FAM210A: variants seen among roughly 807,000 people sequenced by gnomAD.
FAM210A encodes the protein mitochondrial inner membrane scaffold 1, also known as family with sequence similarity 210 member A.
A neutral mutation model predicts 25.3 loss-of-function variants in FAM210A; 13 were observed. That is an observed-to-expected ratio of 0.51 (90% confidence interval 0.33 to 0.82). The LOEUF is 0.82. FAM210A is among the 40% of genes least tolerant of loss of function. The pLI is 0.02. For synonymous variants in FAM210A, 125 were observed against 118.7 expected (o/e 1.05, Z -0.35); for missense variants, 319 against 323.2 (o/e 0.99, Z 0.10).
intron 1 of FAM210A, among the ~76,000 whole-genome samples, chr18:13,700,477 A>T (rs766426813): frequency 1.3e-5 from 2 of 152,204 alleles, no homozygotes; most frequent in Non-Finnish European, 2.9e-5. Flanking sequence ...CCTGAATTCC[A>T]GCAAAACAGC....
chr18:13,702,496 G>A (rs925493073), intron 1 of FAM210A, among the ~76,000 whole-genome samples: 10 of 152,192 alleles, frequency 6.6e-5, no homozygotes, highest in African/African-American at 1.7e-4. Flanking sequence ...GGTCTCCATC[G>A]TGTTTTATTT....
intron 2 of FAM210A, among the ~76,000 whole-genome samples, chr18:13,679,384 T>A (rs1042119267): frequency 2.0e-5 from 3 of 152,268 alleles, no homozygotes; most frequent in African/African-American, 7.2e-5. Context: ...CTGTATTTAG[T>A]ATAATCAACT....
intron 2 of FAM210A, among the ~76,000 whole-genome samples, chr18:13,675,257 G>A (rs62084819): frequency 1.9e-3 from 212 of 113,598 alleles, no homozygotes; most frequent in African/African-American, 3.7e-3. Flanking sequence ...CCTGAGCCCC[G>A]ACTTCATTAT....
chr18:13,722,054 G>T (rs1478313319), intron 1 of FAM210A, among the ~76,000 whole-genome samples: 1 of 152,022 alleles, frequency 6.6e-6, no homozygotes, highest in East Asian at 1.9e-4. Context: ...CTGATTGAGG[G>T]ACCATGACTC....
At chr18:13,679,829 A>G (rs2043536086) in intron 2 of FAM210A, among the ~76,000 whole-genome samples, 1 of 152,240 alleles carries the variant, frequency 6.6e-6, no homozygotes, top group Admixed American at 6.5e-5. Flanking sequence ...AGCATCACCC[A>G]CAGCTGCTTC....
intron 2 of FAM210A, among the ~76,000 whole-genome samples, chr18:13,675,672 CCA>C (rs1224570946): frequency 1.8e-5 from 2 of 109,450 alleles, no homozygotes; most frequent in East Asian, 3.1e-4. Flanking sequence ...TTCTTTATTT[CCA>C]GTTTCCTGAT....
intron 3 of FAM210A, among the ~76,000 whole-genome samples, chr18:13,668,643 A>G (rs989508639): frequency 3.9e-5 from 6 of 152,174 alleles, no homozygotes; most frequent in African/African-American, 1.4e-4. Flanking sequence ...GTGAAACTTC[A>G]CAGAGTGTAC....
rs983349063 is a variant in FAM210A, at chr18:13,665,410, A to G, written c.*1070T>C. On this transcript the variant is annotated 3_prime_UTR_variant, in exon 4 of 4. Coordinates refer to ENST00000651643, the MANE Select transcript of FAM210A (RefSeq NM_152352.4). The stretch of plus-strand genomic sequence containing the variant: ...AAAAAAAAAAAAAAAAAAAAAAATC[A>G]AGTAGAATGCTCAAACAAGGATATT... 1.3e-5 allele frequency: 2 copies of G among 148,562 alleles called. No homozygotes were observed. The highest frequency in any genetic ancestry group is 5.0e-5 in the African/African-American group (2 of 40,324). The allele number at this position is 148,562 out of a possible 1,614,324, so 9.2% of individuals were successfully genotyped here.
At chr18:13,709,856 G>C (rs2043808221) in intron 1 of FAM210A, among the ~76,000 whole-genome samples, 1 of 152,074 alleles carries the variant, frequency 6.6e-6, no homozygotes, top group African/African-American at 2.4e-5. Context: ...TTTTTCTACT[G>C]CCATTCTCTT....
intron 1 of FAM210A, among the ~76,000 whole-genome samples, chr18:13,710,652 C>T (rs1294820562): frequency 8.5e-5 from 13 of 152,152 alleles, no homozygotes; most frequent in Admixed American, 8.5e-4. Context: ...ACTGACTCCA[C>T]CTGGACTTGT....
At chr18:13,715,528 C>T (rs961291911) in intron 1 of FAM210A, among the ~76,000 whole-genome samples, 1 of 152,134 alleles carries the variant, frequency 6.6e-6, no homozygotes, top group Non-Finnish European at 1.5e-5. Context: ...GTTTAGCATA[C>T]TCTACTAGAA....
At chr18:13,668,795 C>T (rs1482287124) in intron 3 of FAM210A, among the ~76,000 whole-genome samples, 1 of 152,126 alleles carries the variant, frequency 6.6e-6, no homozygotes, top group Non-Finnish European at 1.5e-5. Context: ...TATTTGTATA[C>T]CTAAACTATC....
intron 1 of FAM210A, among the ~76,000 whole-genome samples, chr18:13,689,586 G>A (rs1014801486): frequency 6.6e-6 from 1 of 152,138 alleles, no homozygotes; most frequent in Non-Finnish European, 1.5e-5. Flanking sequence ...CCCCGTGGCT[G>A]GGAACAAGGC....
rs570886800 is a variant in FAM210A at position 13,708,136 on chromosome 18, G to A, written c.-29+18193C>T. On this transcript the variant is annotated intron_variant, in intron 1 of 3. Transcript: ENST00000651643. Reference sequence around the variant, plus strand: ...CCATTGTTTCTGCATATTGCTTGTCGCCTTGCAATGGGCAATAGAACCTGG... The same window carrying A: ...CCATTGTTTCTGCATATTGCTTGTCACCTTGCAATGGGCAATAGAACCTGG... Among the ~76,000 whole-genome samples, 7 of 152,250 alleles carry A rather than the reference G, an allele frequency of 4.6e-5. No individual in the cohort carries two copies. In the South Asian group the frequency reaches 6.2e-4, roughly 14 times the overall value.
At position 13,697,338 on chromosome 18, in the gene FAM210A, G is replaced by T. The variant is rs189996061; in HGVS notation, c.-28-15233C>A. On this transcript the variant is annotated intron_variant, in intron 1 of 3. Coordinates refer to ENST00000651643, the MANE Select transcript of FAM210A (RefSeq NM_152352.4). ...AACACAGAAAAAGATGTTCAATGCC[G>T]CATCATTAGAAAATTGCAAATTAAA... 7.8e-4 allele frequency among the ~76,000 whole-genome samples: 119 copies of T among 152,154 alleles called. 1 individual carries two copies. Among genetic ancestry groups the T allele is most frequent in the African/African-American group, 2.7e-3 (111 of 41,530 alleles).
intron 1 of FAM210A, among the ~76,000 whole-genome samples, chr18:13,707,390 T>A (rs1486992528): frequency 1.3e-5 from 2 of 152,180 alleles, no homozygotes. Context: ...AACACATAGA[T>A]CCTAGACCAG....
chr18:13,688,897 T>C (rs1193828851), intron 1 of FAM210A, among the ~76,000 whole-genome samples: 1 of 152,208 alleles, frequency 6.6e-6, no homozygotes, highest in Non-Finnish European at 1.5e-5. Flanking sequence ...CTGTGATGGG[T>C]GGAGCACAGC....
chr18:13,707,438 A>G lies in FAM210A; in HGVS notation c.-29+18891T>C, dbSNP rs569938846. ...TTTGTTTTTCTCCTATAAACAGGAC[A>G]TTCTGGCATAAGGAGGTACCCTCTA... On this transcript the variant is annotated intron_variant, in intron 1 of 3. Transcript: ENST00000651643. Among the ~76,000 whole-genome samples the G allele has an allele frequency of 4.6e-5, 7 of 152,378 alleles. No homozygotes were observed. In the East Asian group the frequency reaches 1.3e-3, roughly 29 times the overall value.
At chr18:13,677,518 G>A (rs528369439) in intron 2 of FAM210A, among the ~76,000 whole-genome samples, 31 of 152,252 alleles carry the variant, frequency 2.0e-4, no homozygotes, top group Non-Finnish European at 4.3e-4. Context: ...AACAGAACAG[G>A]GATTTTCACA....
Sources: allele counts gnomAD v4.1 joint callset (sites outside exome capture counted in the v4.1 genomes callset), GRCh38; gene constraint gnomAD v4.1.1; transcripts MANE v1.5; gene names NCBI Gene and HGNC (gene_info 2026-07-23, HGNC 2026-07-21).